Variants in CHID1 observed in about 807,000 individuals in gnomAD.
CHID1 encodes the protein chitinase domain containing 1.
Under a neutral mutation model 55.4 loss-of-function variants are expected in CHID1, and 44 were observed. The observed-to-expected ratio is 0.79, with a 90% CI of 0.62 to 1.02. The LOEUF is 1.02. CHID1 is among the 50% of genes least tolerant of loss of function. The pLI, the probability that CHID1 is intolerant of heterozygous loss-of-function variation, is 0.00. For missense variants in CHID1, 491 were observed against 515.3 expected, an observed-to-expected ratio of 0.95 and a Z score of 0.46; for synonymous variants, 216 against 212.9, an observed-to-expected ratio of 1.01 and a Z score of -0.13.
chr11:896,342 G>C (rs1365539695), intron 7 of CHID1, among the ~76,000 whole-genome samples: 2 of 123,874 alleles, frequency 1.6e-5, no homozygotes, highest in African/African-American at 6.8e-5. Flanking sequence ...CAGACATGAG[G>C]GTGTCTCAGC....
intron 10 of CHID1, among the ~76,000 whole-genome samples, chr11:878,012 C>A (rs1212231028): frequency 6.6e-6 from 1 of 152,220 alleles, no homozygotes; most frequent in Non-Finnish European, 1.5e-5. Context: ...TCGCTCAGAC[C>A]CTGTACCACG....
chr11:890,258 C>T (rs574509454), intron 8 of CHID1, among the ~76,000 whole-genome samples: 4 of 152,316 alleles, frequency 2.6e-5, no homozygotes, highest in South Asian at 4.1e-4. Flanking sequence ...ACTGCCAGCA[C>T]GCGGCCTGCC....
upstream of CHID1, chr11:914,570 C>T (rs1359254195): frequency 1.6e-6 from 2 of 1,289,428 alleles, no homozygotes; most frequent in South Asian, 1.2e-5. Flanking sequence ...TCACAGACAT[C>T]CTCAAAAGCA....
upstream of CHID1, chr11:911,058 C>T (rs1852655386): frequency 6.5e-6 from 1 of 152,888 alleles, no homozygotes; most frequent in Non-Finnish European, 1.5e-5. Flanking sequence ...GGTTCCCGGC[C>T]CAGGGGTAGC....
intron 2 of CHID1, 49 bp downstream of exon 2, chr11:904,654 TGGA>T: frequency 6.2e-7 from 1 of 1,600,674 alleles, no homozygotes; most frequent in Non-Finnish European, 8.6e-7. Context: ...AAGAGGATGA[TGGA>T]TCAGCCCTCA....
intron 8 of CHID1, among the ~76,000 whole-genome samples, chr11:884,769 C>G (rs1054717538): frequency 4.6e-5 from 7 of 152,206 alleles, no homozygotes; most frequent in African/African-American, 1.7e-4. Flanking sequence ...GGCGCCAGGG[C>G]AGGTGGTCGG....
intron 8 of CHID1, among the ~76,000 whole-genome samples, chr11:887,793 C>T (rs558043184): frequency 1.3e-5 from 2 of 152,320 alleles, no homozygotes; most frequent in African/African-American, 4.8e-5. Flanking sequence ...ATCCACGGTG[C>T]TGCAACGCCC....
intron 4 of CHID1, among the ~76,000 whole-genome samples, chr11:901,523 G>GCCA (rs1424424091): frequency 6.6e-6 from 1 of 152,184 alleles, no homozygotes; most frequent in Non-Finnish European, 1.5e-5. Flanking sequence ...GTCAGGATGT[G>GCCA]CCATCAGGAG....
chr11:908,469 G>A (rs1852398875), intron 1 of CHID1: 1 of 573,712 alleles, frequency 1.7e-6, no homozygotes, highest in Non-Finnish European at 2.2e-6. Flanking sequence ...CTTGGTCTGA[G>A]TCAGCAACAG....
At chr11:910,542 C>G in intron 1 of CHID1, 1 of 1,032,498 alleles carries the variant, frequency 9.7e-7, no homozygotes, top group Non-Finnish European at 1.2e-6. Context: ...GCCCTCCACC[C>G]CCGCTCTCGC....
At chr11:904,633 T>C (rs977768690) in intron 2 of CHID1, 73 bp downstream of exon 2, 11 of 1,574,666 alleles carry the variant, frequency 7.0e-6, no homozygotes, top group Non-Finnish European at 8.7e-6. Flanking sequence ...CAGGCCCCAG[T>C]GGACAGAAAG....
In CHID1 at chr11:890,206, C is replaced by T. The variant is rs147982937; in HGVS notation, c.701+3221G>A. Reference sequence around the variant, plus strand: ...AGCCTGGACCTCGGCCCGTCCACACCGCACGGGGTGCCTACGGTCCCCCAC... The same window carrying T: ...AGCCTGGACCTCGGCCCGTCCACACTGCACGGGGTGCCTACGGTCCCCCAC... On this transcript the variant is annotated intron_variant, in intron 8 of 12. Transcript: ENST00000323578. Among the ~76,000 whole-genome samples, 1,337 of 152,376 alleles carry T rather than the reference C, an allele frequency of 8.8e-3. 10 individuals are homozygous for T. The highest frequency in any genetic ancestry group is 0.014 in the Non-Finnish European group (948 of 68,038).
chr11:896,704 A>G (rs1191762631), intron 7 of CHID1, among the ~76,000 whole-genome samples: 1 of 102,758 alleles, frequency 9.7e-6, no homozygotes, highest in South Asian at 3.9e-4. Context: ...CTGTCTCAGC[A>G]CCCCCAGCCT....
At chr11:877,669 G>A (rs543848969) in intron 10 of CHID1, among the ~76,000 whole-genome samples, 25 of 152,250 alleles carry the variant, frequency 1.6e-4, no homozygotes, top group Admixed American at 3.9e-4. Flanking sequence ...AGTGTGTGAT[G>A]TCTTGAATGT....
In CHID1 at chr11:903,092, G is replaced by T; in HGVS notation, c.131C>A (p.Pro44Gln). The T allele has an allele frequency of 6.2e-7, 1 of 1,611,750 alleles. No homozygotes were observed. The highest frequency in any genetic ancestry group is 8.5e-7 in the Non-Finnish European group (1 of 1,179,980). Residue 44 changes from proline to glutamine, a missense_variant, in exon 3 of 13, where the codon CCG becomes CAG. By Grantham distance (76) the Pro-to-Gln change is moderately conservative. Transcript: ENST00000323578. ...CACCACCAAACCCCGGTCTTGCACC[G>T]GCTTATCTGAAAACTGACTCTGAAA... ...LLEKSQFSDKPVQDRGLVVTD... is the reference protein window; with the variant it reads ...LLEKSQFSDKQVQDRGLVVTD...
At chr11:879,276 T>C (rs898400176) in intron 10 of CHID1, among the ~76,000 whole-genome samples, 3 of 152,150 alleles carry the variant, frequency 2.0e-5, no homozygotes, top group African/African-American at 7.2e-5. Flanking sequence ...GGTCTCACCA[T>C]GTTGCCCAGG....
At position 896,025 on chromosome 11, in the gene CHID1, C is replaced by T. The variant is rs185401620; in HGVS notation, c.609-2506G>A. On this transcript the variant is annotated intron_variant, in intron 7 of 12. Transcript: ENST00000323578. ...AATCCCCCTACTGCCTCCTGCCCTC[C>T]CACCCTGACGTTAATGACCCGTCGA... Among the ~76,000 whole-genome samples, 343 of 152,170 alleles carry T rather than the reference C, an allele frequency of 2.3e-3. 4 individuals carry two copies. The highest frequency in any genetic ancestry group is 8.0e-3 in the African/African-American group (331 of 41,498).
At position 873,024 on chromosome 11, in the gene CHID1, G is replaced by A. The variant is rs564970133; in HGVS notation, c.960-2525C>T. Among the ~76,000 whole-genome samples the A allele has an allele frequency of 3.3e-5, 5 of 152,306 alleles. 1 individual carries two copies. The highest frequency in any genetic ancestry group is 4.1e-4 in the South Asian group (2 of 4,830). On this transcript the variant is annotated intron_variant, in intron 10 of 12. Transcript: ENST00000323578. Reference sequence around the variant, plus strand: ...CTGTGGGGGCAGCCATGACCAGGGCGCTGTCAGGGACCCCAACCCCAGGAA... The same window carrying A: ...CTGTGGGGGCAGCCATGACCAGGGCACTGTCAGGGACCCCAACCCCAGGAA...
At chr11:910,673 C>T in intron 1 of CHID1, 102 bp downstream of exon 1, 1 of 1,267,786 alleles carries the variant, frequency 7.9e-7, no homozygotes, top group Non-Finnish European at 1.0e-6. Flanking sequence ...CCACGCCCGT[C>T]CTCCCGGGGC....
Sources: gnomAD v4.1 joint callset for allele counts (sites outside exome capture counted in the v4.1 genomes callset) on GRCh38, gnomAD v4.1.1 for gene constraint, MANE v1.5 for transcripts, NCBI Gene and HGNC (gene_info 2026-07-23, HGNC 2026-07-21) for gene names.